RIF1: variants seen among roughly 807,000 people sequenced by gnomAD.
RIF1 encodes telomere-associated protein RIF1.
RIF1 carries 45 observed loss-of-function variants against 247.1 expected under a neutral mutation model. That is an observed-to-expected ratio of 0.18 (90% CI 0.14 to 0.23). The LOEUF (loss-of-function observed/expected upper bound fraction) is 0.23, where lower values mean the gene tolerates loss of function less well. Among genes scored for constraint, RIF1 ranks in the 10% least tolerant of loss-of-function variants. The pLI is 1.00. For synonymous variants in RIF1, 1,087 were observed against 978.8 expected (o/e 1.11, Z -2.06); for missense variants, 2,967 against 2,862.5 (o/e 1.04, Z -0.83).
intron 11 of RIF1, chr2:151,502,650 T>G (rs1413426202): frequency 1.7e-5 from 11 of 634,876 alleles, no homozygotes; most frequent in African/African-American, 9.2e-5. Context: ...AACTAAATAC[T>G]AAATTAGATT....
chr2:151,492,361 C>A, intron 9 of RIF1: 1 of 1,589,942 alleles, frequency 6.3e-7, no homozygotes, highest in South Asian at 1.1e-5. Context: ...AGGCAGCCAG[C>A]CAATCCTAAA....
At chr2:151,430,697 C>T (rs977144123) in intron 9 of RIF1, among the ~76,000 whole-genome samples, 1 of 150,500 alleles carries the variant, frequency 6.6e-6, no homozygotes, top group Non-Finnish European at 1.5e-5. Context: ...AGGGTCTTGC[C>T]CTGTCACCTA....
rs1018978202 is a variant in RIF1 at position 151,476,805 on chromosome 2, C to T, written c.*1734C>T. 3 of 152,144 alleles carry T rather than the reference C, an allele frequency of 2.0e-5. No individual in the cohort carries two copies. The highest frequency in any genetic ancestry group is 2.9e-5 in the Non-Finnish European group (2 of 68,030). The allele number at this position is 152,144 out of a possible 1,614,324, so 9.4% of individuals were successfully genotyped here. On this transcript the variant is annotated 3_prime_UTR_variant, in exon 36 of 36. Coordinates refer to ENST00000444746, the MANE Select transcript of RIF1 (RefSeq NM_018151.5). ...TTATATTTAACCGTAAGGAGGTGCA[C>T]ATGAGTTTTTAGCAAACAGGTATGA... is the stretch of plus-strand genomic sequence containing the variant.
intron 30 of RIF1, among the ~76,000 whole-genome samples, chr2:151,466,715 A>G (rs913347101): frequency 2.0e-5 from 3 of 152,242 alleles, no homozygotes; most frequent in African/African-American, 7.2e-5. Flanking sequence ...AGTTTGTTGA[A>G]TGAATGAATA....
intron 34 of RIF1, among the ~76,000 whole-genome samples, chr2:151,470,940 G>A (rs1047389801): frequency 4.6e-5 from 7 of 152,058 alleles, no homozygotes; most frequent in African/African-American, 1.7e-4. Context: ...TTTACATCGT[G>A]TAAAATTCAC....
At chr2:151,471,693 T>G (rs1344124339) in intron 34 of RIF1, among the ~76,000 whole-genome samples, 1 of 152,196 alleles carries the variant, frequency 6.6e-6, no homozygotes, top group Non-Finnish European at 1.5e-5. Flanking sequence ...TGTGTGGTAT[T>G]ATTTCTGAGG....
intron 7 of RIF1, among the ~76,000 whole-genome samples, chr2:151,422,051 C>G (rs900422490): frequency 6.6e-6 from 1 of 151,778 alleles, no homozygotes; most frequent in Non-Finnish European, 1.5e-5. Flanking sequence ...AGGCTGGTCT[C>G]GAACTCCTGA....
chr2:151,527,145 A>T, the RIF1 span: 5 of 673,778 alleles, frequency 7.4e-6, no homozygotes, highest in South Asian at 9.7e-5. Flanking sequence ...CAGAATGAGG[A>T]GAAGAGCTTC....
Position 151,443,515 on chromosome 2 carries a change from A to G in RIF1, c.1806-14A>G, listed in dbSNP as rs762859029. 1.9e-6 allele frequency: 3 copies of G among 1,543,022 alleles called. No individual in the cohort carries two copies. Among genetic ancestry groups the G allele is most frequent in the South Asian group, 1.3e-5 (1 of 78,740 alleles). On this transcript the variant is annotated splice_polypyrimidine_tract_variant and intron_variant, in intron 17 of 35. Coordinates refer to ENST00000444746, the MANE Select transcript of RIF1 (RefSeq NM_018151.5). ...GCCAAAAAGTTGATGCATTTTTTAT[A>G]ATTTTTTGTTCAGGTTCTTTCTCAG...
intron 9 of RIF1, among the ~76,000 whole-genome samples, chr2:151,489,710 G>A (rs1203089904): frequency 1.3e-5 from 2 of 151,996 alleles, no homozygotes; most frequent in African/African-American, 4.8e-5. Flanking sequence ...GTTTAAGATA[G>A]TAGGTGAGAC....
the RIF1 span, among the ~76,000 whole-genome samples, chr2:151,522,322 A>G: frequency 3.3e-5 from 5 of 152,238 alleles, no homozygotes; most frequent in Non-Finnish European, 7.3e-5. Flanking sequence ...GCCTGAACTG[A>G]GAAACTATAT....
chr2:151,413,743 C>T lies in RIF1; in HGVS notation c.184-1080C>T, dbSNP rs77499944. Among the ~76,000 whole-genome samples the T allele has an allele frequency of 2.2e-3, 334 of 152,180 alleles. 2 individuals are homozygous for T. Among genetic ancestry groups the T allele is most frequent in the African/African-American group, 7.8e-3 (324 of 41,526 alleles). On this transcript the variant is annotated intron_variant, in intron 3 of 35. Transcript: ENST00000444746. ...CTCTAGGATTTGCATTTTTTGGCTT[C>T]GTTTTGTAAATATAGAAGACACTGC...
intron 10 of RIF1, 150 bp from the exon 11 acceptor site, chr2:151,435,313 A>T: frequency 1.7e-6 from 1 of 587,740 alleles, no homozygotes; most frequent in South Asian, 2.4e-5. Flanking sequence ...ATTTTTTCCA[A>T]ATTCCACTTT....
chr2:151,531,869 A>G, the RIF1 span: 1 of 1,606,374 alleles, frequency 6.2e-7, no homozygotes, highest in South Asian at 1.1e-5. Flanking sequence ...TTGTCCTTTG[A>G]TTTTTCATAG....
chr2:151,461,287 G>T lies in RIF1; in HGVS notation c.3225G>T (p.Lys1075Asn). ...ATCAAAAAGAAGTTCTCAAAACAAA[G>T]CGGTTTGTAGGCCTTTTATCTTGAG... Reference protein sequence around the residue: ...TDHQKEVLKTKRCDIPAMYNN... With the variant: ...TDHQKEVLKTNRCDIPAMYNN... The change falls in exon 27 of 36, where the codon AAG becomes AAT. Residue 1075 changes from lysine (K) to asparagine (N), a missense_variant and splice_region_variant. This residue lies in a region of RIF1 where 2,028 missense variants were observed against 1,825.6 expected (regional missense o/e 1.11). Coordinates refer to ENST00000444746, the MANE Select transcript of RIF1 (RefSeq NM_018151.5). The T allele has an allele frequency of 6.2e-7, 1 of 1,611,390 alleles. No homozygotes were observed. The highest frequency in any genetic ancestry group is 2.2e-5 in the East Asian group (1 of 44,772).
chr2:151,503,577 GA>G (rs1280511601), intron 12 of RIF1: 9 of 561,036 alleles, frequency 1.6e-5, no homozygotes, highest in South Asian at 5.4e-5. Flanking sequence ...GAACAGGGGG[GA>G]AAATTCCATG....
the RIF1 span, chr2:151,526,164 C>CA: frequency 2.5e-6 from 4 of 1,613,946 alleles, no homozygotes; most frequent in Non-Finnish European, 3.4e-6. Flanking sequence ...TTACCTCAGA[C>CA]ACCAGGTTGC....
chr2:151,459,342 T>C (rs1418758307), intron 25 of RIF1, among the ~76,000 whole-genome samples: 1 of 152,226 alleles, frequency 6.6e-6, no homozygotes, highest in Non-Finnish European at 1.5e-5. Context: ...AATATTTGAT[T>C]ACTGCCTGAA....
Position 151,465,859 on chromosome 2 carries a change from T to C in RIF1, c.6339T>C (p.Asp2113=), listed in dbSNP as rs1696797807. Residue 2113 remains aspartate, a synonymous_variant, in exon 30 of 36, where the codon GAT becomes GAC. Coordinates refer to ENST00000444746, the MANE Select transcript of RIF1 (RefSeq NM_018151.5). ...MVMESDILQE[D]HHTSQKVEEP... is the part of the protein sequence containing the mutation. ...TGGAAAGTGATATTTTACAGGAAGA[T>C]CACCATACTTCACAGAAAGTGGAGG... 1 of 1,613,200 alleles carries C rather than the reference T, an allele frequency of 6.2e-7. No individual in the cohort carries two copies. The highest frequency in any genetic ancestry group is 2.2e-5 in the East Asian group (1 of 44,884).
Sources: allele counts gnomAD v4.1 joint callset (sites outside exome capture counted in the v4.1 genomes callset), GRCh38; gene constraint gnomAD v4.1.1; regional missense constraint gnomAD v4.1.1; transcripts MANE v1.5; gene names NCBI Gene and HGNC (gene_info 2026-07-23, HGNC 2026-07-21).